LRRC37B: variants seen among roughly 807,000 people sequenced by gnomAD.
LRRC37B encodes the protein leucine-rich repeat-containing protein 37B.
In LRRC37B, 28 loss-of-function variants were observed where a neutral mutation model predicts 98.3. That is an observed-to-expected ratio of 0.28 (90% CI 0.21 to 0.39). The LOEUF is 0.39. Among genes scored for constraint, LRRC37B ranks in the 10% least tolerant of loss-of-function variants. LRRC37B has a pLI of 1.00. For synonymous variants in LRRC37B, 364 were observed against 442.7 expected, an observed-to-expected ratio of 0.82 and a Z score of 2.23; for missense variants, 938 against 1,182.7, an observed-to-expected ratio of 0.79 and a Z score of 3.03.
intron 6 of LRRC37B, 51 bp downstream of exon 9, chr17:32,035,032 A>T (rs778116971): frequency 1.0e-5 from 13 of 1,262,086 alleles, no homozygotes; most frequent in Non-Finnish European, 1.4e-5. Context: ...TGCTTTTTAA[A>T]TTTGTCATCA....
At chr17:32,018,592 C>T (rs1251773227), upstream of LRRC37B, among the ~76,000 whole-genome samples, 18 of 152,080 alleles carry the variant, frequency 1.2e-4, no homozygotes, top group East Asian at 7.7e-4. Flanking sequence ...TAGTCTCCCC[C>T]GGCCCCAGGA....
At chr17:32,046,599 C>CTTTTT (rs796570580) in intron 8 of LRRC37B, among the ~76,000 whole-genome samples, 2 of 132,826 alleles carry the variant, frequency 1.5e-5, no homozygotes, top group African/African-American at 2.7e-5. Flanking sequence ...TTCTTTTTTT[C>CTTTTT]TTTTTTTTTT....
At chr17:32,020,609 C>T (rs956276012), upstream of LRRC37B, 9 of 503,366 alleles carry the variant, frequency 1.8e-5, no homozygotes, top group Admixed American at 5.8e-5. Flanking sequence ...ATCAAACATG[C>T]GACAGTTTAG....
chr17:32,049,953 C>CT (rs577043037), intron 10 of LRRC37B, 50 bp from the exon 14 acceptor site: 909 of 1,137,138 alleles, frequency 8.0e-4, no homozygotes, highest in Non-Finnish European at 9.7e-4. Context: ...TTCTCTCTCT[C>CT]TTTTTTTTTA....
At chr17:32,008,013 A>T in exon 1 of LRRC37B, 1 of 504,484 alleles carries the variant, frequency 2.0e-6, no homozygotes, top group Middle Eastern at 4.7e-4. Flanking sequence ...CAGGAGTCTG[A>T]GGACAACTAG....
intron 5 of LRRC37B, 85 bp from the exon 9 acceptor site, chr17:32,034,825 T>C (rs1598208677): frequency 9.7e-7 from 1 of 1,026,300 alleles, no homozygotes; most frequent in East Asian, 2.5e-5. Context: ...ACCTAAAAGT[T>C]CCATACCAAA....
chr17:32,020,306 A>G (rs2343843), upstream of LRRC37B, among the ~76,000 whole-genome samples: 6,384 of 152,276 alleles, frequency 0.042, 427 homozygotes, highest in African/African-American at 0.14. Context: ...TTATAGTCGC[A>G]TTTCAGGAAA....
At chr17:32,013,505 A>G (rs1163017454) in intron 1 of LRRC37B, among the ~76,000 whole-genome samples, 1 of 151,558 alleles carries the variant, frequency 6.6e-6, no homozygotes, top group Non-Finnish European at 1.5e-5. Context: ...TTTTCTGCCT[A>G]CTTTTGGATT....
upstream of LRRC37B, among the ~76,000 whole-genome samples, chr17:32,017,560 T>C (rs1464230714): frequency 1.3e-5 from 2 of 152,058 alleles, no homozygotes; most frequent in African/African-American, 2.4e-5. Context: ...ATCTCAGCAA[T>C]TGGGGAGGCC....
At chr17:32,042,032 G>T (rs1377069827) in intron 7 of LRRC37B, 3 of 350,878 alleles carry the variant, frequency 8.5e-6, no homozygotes, top group East Asian at 1.5e-4. Context: ...ATGAACCCTA[G>T]CCCCACTCCA....
intron 8 of LRRC37B, among the ~76,000 whole-genome samples, chr17:32,046,367 A>G (rs1911579211): frequency 6.6e-6 from 1 of 152,188 alleles, no homozygotes; most frequent in African/African-American, 2.4e-5. Context: ...TTCTTAGTCC[A>G]TCCAACTCTG....
upstream of LRRC37B, chr17:32,007,726 A>T (rs1910441837): frequency 8.4e-7 from 1 of 1,192,784 alleles, no homozygotes; most frequent in African/African-American, 1.6e-5. The surrounding 1 kb of genome is among the most constrained non-coding windows in gnomAD (Gnocchi z 4.1). Flanking sequence ...CCCCTCGCCG[A>T]TACGCGGTAG....
chr17:32,008,181 C>A, intron 1 of LRRC37B, 49 bp downstream of exon 1: 1 of 236,492 alleles, frequency 4.2e-6, no homozygotes, highest in East Asian at 1.0e-4. Flanking sequence ...CCTCCTCTCC[C>A]CTCCCCCCTT....
At chr17:32,008,038 G>A in exon 1 of LRRC37B, 1 of 516,950 alleles carries the variant, frequency 1.9e-6, no homozygotes. Flanking sequence ...ATGACATGGA[G>A]GAGGACGACG....
chr17:32,033,847 A>C (rs940282213), intron 5 of LRRC37B: 2 of 152,202 alleles, frequency 1.3e-5, no homozygotes, highest in Admixed American at 6.5e-5. Flanking sequence ...GAATTTATTC[A>C]TTTTATTGAC....
At position 32,035,569 on chromosome 17, in the gene LRRC37B, A is replaced by G; in HGVS notation, c.2134A>G (p.Met712Val). 4 of 1,611,962 alleles carry G rather than the reference A, an allele frequency of 2.5e-6. No individual in the cohort carries two copies. The highest frequency in any genetic ancestry group is 2.5e-6 in the Non-Finnish European group (3 of 1,178,798). ...TGTTTCGGCTTTCTTCTTCAGAGAC[A>G]TGGGAACAACACACATCACACTTAC... The change falls in exon 7 of 12, where the codon ATG becomes GTG. Residue 712 changes from methionine (M) to valine (V), a missense_variant. Physicochemically the swap from Met to Val is conservative, Grantham distance 21 (BLOSUM62 1). This residue lies in a region of LRRC37B where 328 missense variants were observed against 557.0 expected (regional missense o/e 0.59). Transcript: ENST00000327564.
intron 5 of LRRC37B, chr17:32,033,946 A>G (rs1278592998): frequency 1.3e-5 from 2 of 152,190 alleles, no homozygotes; most frequent in African/African-American, 4.8e-5. Flanking sequence ...AGTGATGACA[A>G]TGACAATAAG....
rs142657514 is a variant in LRRC37B at position 32,047,818 on chromosome 17, G to A, written c.2381G>A (p.Arg794Gln). 1.1e-3 allele frequency: 1,699 copies of A among 1,614,088 alleles called. 34 individuals carry two copies. In the Admixed American group the frequency reaches 0.025, roughly 23 times the overall value. The change falls in exon 9 of 12, where the codon CGG becomes CAG. Residue 794 changes from arginine (R) to glutamine (Q), a missense_variant. Coordinates refer to ENST00000327564, the Ensembl canonical transcript of LRRC37B. The stretch of plus-strand genomic sequence containing the variant: ...GCGTTCATGAAGATGTTACAAGCCC[G>A]GAAGCAGCACATGAGCACTCAGCTG...
intron 5 of LRRC37B, among the ~76,000 whole-genome samples, chr17:32,033,663 C>T (rs1295803956): frequency 6.6e-6 from 1 of 152,168 alleles, no homozygotes; most frequent in Non-Finnish European, 1.5e-5. Context: ...TAGATGCTCA[C>T]TGTAAGAATT....
Sources: allele counts gnomAD v4.1 joint callset (sites outside exome capture counted in the v4.1 genomes callset), GRCh38; gene constraint gnomAD v4.1.1; regional missense constraint gnomAD v4.1.1; non-coding constraint Gnocchi (gnomAD v3.1); transcripts MANE v1.5; gene names NCBI Gene and HGNC (gene_info 2026-07-23, HGNC 2026-07-21).